Variants in WDR70 observed in about 807,000 individuals in gnomAD.
The protein encoded by WDR70 is WD repeat-containing protein 70.
In WDR70, 53 loss-of-function variants were observed where a neutral mutation model predicts 88.6. The ratio of observed to expected loss-of-function variants is 0.60; its 90% CI spans 0.48 to 0.75. WDR70 has a LOEUF of 0.75. WDR70 is among the 30% of genes least tolerant of loss of function. WDR70 has a pLI of 0.00. For synonymous variants in WDR70, 280 were observed against 270.0 expected (o/e 1.04, Z -0.36); for missense variants, 610 against 823.2 (o/e 0.74, Z 3.17).
intron 5 of WDR70, among the ~76,000 whole-genome samples, chr5:37,425,534 A>G (rs1020839034): frequency 1.3e-5 from 2 of 152,228 alleles, no homozygotes; most frequent in African/African-American, 2.4e-5. Context: ...ACGTTCATGA[A>G]AAAAGCTCTT....
At chr5:37,639,256 C>G (rs1453323365) in intron 10 of WDR70, among the ~76,000 whole-genome samples, 1 of 152,140 alleles carries the variant, frequency 6.6e-6, no homozygotes, top group Non-Finnish European at 1.5e-5. Context: ...GATTAAGACT[C>G]AGTGAAGCAG....
At chr5:37,503,182 G>A (rs924142898) in intron 8 of WDR70, among the ~76,000 whole-genome samples, 1 of 152,046 alleles carries the variant, frequency 6.6e-6, no homozygotes, top group Non-Finnish European at 1.5e-5. Context: ...CCTAAGTTTG[G>A]TATCAGGATG....
intron 13 of WDR70, among the ~76,000 whole-genome samples, chr5:37,720,330 C>T (rs1049885298): frequency 1.3e-5 from 2 of 152,048 alleles, no homozygotes; most frequent in Non-Finnish European, 2.9e-5. Context: ...CTAACATTAG[C>T]TTCATCTTTT....
intron 3 of WDR70, among the ~76,000 whole-genome samples, chr5:37,387,297 T>C (rs916420442): frequency 1.3e-5 from 2 of 152,198 alleles, no homozygotes; most frequent in African/African-American, 4.8e-5. Flanking sequence ...ATGTTGGGTG[T>C]AGTAGCTTAT....
chr5:37,543,534 G>T (rs959799520), intron 9 of WDR70, among the ~76,000 whole-genome samples: 2 of 152,032 alleles, frequency 1.3e-5, no homozygotes, highest in Non-Finnish European at 2.9e-5. Context: ...GAGAGATTGA[G>T]AATACAGATA....
chr5:37,421,938 G>A (rs951852665), intron 5 of WDR70, among the ~76,000 whole-genome samples: 1 of 151,730 alleles, frequency 6.6e-6, no homozygotes, highest in Admixed American at 6.6e-5. Context: ...CCTTGGGGTG[G>A]GAGTGAGAGT....
intron 10 of WDR70, among the ~76,000 whole-genome samples, chr5:37,619,515 A>G (rs1469010755): frequency 3.9e-5 from 6 of 152,202 alleles, no homozygotes; most frequent in Non-Finnish European, 8.8e-5. Flanking sequence ...TGTTTTAACT[A>G]TTATAAACAA....
intron 11 of WDR70, among the ~76,000 whole-genome samples, chr5:37,698,596 C>G (rs1405264746): frequency 6.6e-6 from 1 of 152,192 alleles, no homozygotes; most frequent in African/African-American, 2.4e-5. Flanking sequence ...CACTCGACTA[C>G]TGTATATTGA....
chr5:37,751,315 T>C (rs1748800229), intron 17 of WDR70, among the ~76,000 whole-genome samples: 2 of 152,264 alleles, frequency 1.3e-5, no homozygotes, highest in Non-Finnish European at 2.9e-5. Context: ...TTTATAGATA[T>C]CATAACAGTG....
At chr5:37,564,577 G>GGAGGGA (rs1389224790) in intron 9 of WDR70, among the ~76,000 whole-genome samples, 1 of 147,102 alleles carries the variant, frequency 6.8e-6, no homozygotes, top group Non-Finnish European at 1.5e-5. Context: ...GAGAGGGAGA[G>GGAGGGA]GAGGGAGAGG....
chr5:37,430,562 CTTTTTTTCTTTTT>C (rs1268234054), intron 5 of WDR70, among the ~76,000 whole-genome samples: 1 of 151,798 alleles, frequency 6.6e-6, no homozygotes, highest in Non-Finnish European at 1.5e-5. Context: ...TTTTTCTTTT[CTTTTTTTCTTTTT>C]TTTGATACGG....
Position 37,393,367 on chromosome 5 carries a change from C to T in WDR70, c.296+1247C>T, listed in dbSNP as rs541827706. On this transcript the variant is annotated intron_variant, in intron 4 of 17. Transcript: ENST00000265107. ...ATTATTCTTTTTTTAGTGTCAATGTCATTTGTAGTTCTGCTCTGATTTTTT... is the reference window on the plus strand; with the variant it reads ...ATTATTCTTTTTTTAGTGTCAATGTTATTTGTAGTTCTGCTCTGATTTTTT... Among the ~76,000 whole-genome samples, 68 of 152,230 alleles carry T rather than the reference C, an allele frequency of 4.5e-4. 1 individual carries two copies. The highest frequency in any genetic ancestry group is 7.9e-4 in the Admixed American group (12 of 15,286).
At chr5:37,398,098 T>C (rs1008031663) in intron 5 of WDR70, among the ~76,000 whole-genome samples, 7 of 10,850 alleles carry the variant, frequency 6.5e-4, no homozygotes, top group African/African-American at 9.1e-4. Flanking sequence ...TTTTTTTTTT[T>C]TTTTTTTGAG....
chr5:37,665,049 A>G (rs553975594), intron 10 of WDR70, among the ~76,000 whole-genome samples: 6 of 152,342 alleles, frequency 3.9e-5, no homozygotes, highest in African/African-American at 9.6e-5. Context: ...CAGCTCATCC[A>G]TGCATTCCTT....
At chr5:37,424,585 G>A (rs563642291) in intron 5 of WDR70, among the ~76,000 whole-genome samples, 6 of 151,268 alleles carry the variant, frequency 4.0e-5, no homozygotes, top group Admixed American at 4.0e-4. Context: ...TTTTATTTTC[G>A]TTTTTGTAGA....
At chr5:37,422,385 G>A (rs748588631) in intron 5 of WDR70, among the ~76,000 whole-genome samples, 8 of 149,230 alleles carry the variant, frequency 5.4e-5, no homozygotes, top group Non-Finnish European at 8.9e-5. Context: ...TCCACTTCCC[G>A]GACTCAAGTG....
chr5:37,626,999 G>C (rs1463085792), intron 10 of WDR70, among the ~76,000 whole-genome samples: 2 of 151,936 alleles, frequency 1.3e-5, no homozygotes, highest in African/African-American at 4.8e-5. Context: ...TCAAATTTGA[G>C]TCTCTTTTTT....
At chr5:37,403,927 G>T (rs913526306) in intron 5 of WDR70, among the ~76,000 whole-genome samples, 1 of 152,054 alleles carries the variant, frequency 6.6e-6, no homozygotes, top group South Asian at 2.1e-4. Context: ...ATTTTTTGTA[G>T]AGTGGGGTCT....
rs60866810 is a variant in WDR70 at position 37,472,402 on chromosome 5, T to C, written c.687-7432T>C. ...TAATATATAGTATGTTTCTTTTTTG[T>C]TTTACTCAATAAAATGTTTATGACA... is the stretch of plus-strand genomic sequence containing the variant. On this transcript the variant is annotated intron_variant, in intron 7 of 17. Transcript: ENST00000265107. Among the ~76,000 whole-genome samples, 1,137 of 152,202 alleles carry C rather than the reference T, an allele frequency of 7.5e-3. 33 individuals carry two copies. The highest frequency in any genetic ancestry group is 0.026 in the African/African-American group (1,071 of 41,430).
Sources: gnomAD v4.1 joint callset for allele counts (sites outside exome capture counted in the v4.1 genomes callset) on GRCh38, gnomAD v4.1.1 for gene constraint, MANE v1.5 for transcripts, NCBI Gene and HGNC (gene_info 2026-07-23, HGNC 2026-07-21) for gene names.